Variants in DOCK1 observed in about 807,000 individuals in gnomAD.
The protein encoded by DOCK1 is dedicator of cytokinesis 1.
In DOCK1, 138 loss-of-function variants were observed where a neutral mutation model predicts 262.7. The observed-to-expected ratio is 0.53, with a 90% CI of 0.46 to 0.61. The LOEUF (loss-of-function observed/expected upper bound fraction) is 0.61, where lower values mean the gene tolerates loss of function less well. Among genes scored for constraint, DOCK1 ranks in the 20% least tolerant of loss-of-function variants. The pLI is 0.00. For synonymous variants in DOCK1, 866 were observed against 867.4 expected, an observed-to-expected ratio of 1.00 and a Z score of 0.03; for missense variants, 1,908 against 2,370.7, an observed-to-expected ratio of 0.80 and a Z score of 4.05.
At chr10:127,314,091 G>A (rs1448036496) in intron 29 of DOCK1, among the ~76,000 whole-genome samples, 5 of 152,156 alleles carry the variant, frequency 3.3e-5, no homozygotes, top group South Asian at 2.1e-4. Flanking sequence ...GCATCTGCAC[G>A]CACTTGTTTT....
chr10:127,410,766 C>T, intron 42 of DOCK1, 74 bp from the exon 43 acceptor site: 2 of 1,403,978 alleles, frequency 1.4e-6, no homozygotes, highest in Non-Finnish European at 2.0e-6. Context: ...TGTTCTAAGG[C>T]CAGACCCCGT....
chr10:127,214,191 G>A (rs1191712991), intron 27 of DOCK1, among the ~76,000 whole-genome samples: 1 of 152,022 alleles, frequency 6.6e-6, no homozygotes, highest in African/African-American at 2.4e-5. Context: ...TACAAGAGAA[G>A]AAATACATAT....
intron 29 of DOCK1, among the ~76,000 whole-genome samples, chr10:127,296,889 C>T (rs2061523172): frequency 1.3e-5 from 2 of 152,210 alleles, no homozygotes; most frequent in Admixed American, 1.3e-4. Context: ...GCCACGGCAG[C>T]TGTGAGCTGT....
chr10:127,184,782 G>T (rs2056074617), intron 27 of DOCK1, among the ~76,000 whole-genome samples: 1 of 152,070 alleles, frequency 6.6e-6, no homozygotes. Flanking sequence ...CCGCGCCCTG[G>T]TCCTCCTTCC....
chr10:126,966,155 C>G (rs891674790), intron 1 of DOCK1, among the ~76,000 whole-genome samples: 57 of 152,176 alleles, frequency 3.7e-4, no homozygotes, highest in Non-Finnish European at 7.5e-4. Flanking sequence ...CACTTAATGT[C>G]CTCCAATTCC....
At chr10:127,084,493 T>C (rs1216075217) in intron 23 of DOCK1, among the ~76,000 whole-genome samples, 1 of 152,124 alleles carries the variant, frequency 6.6e-6, no homozygotes, top group African/African-American at 2.4e-5. Flanking sequence ...CCAACACTGG[T>C]AATGCCCCAT....
rs1432540885 is a variant in DOCK1, at chr10:127,175,788, C to G, written c.2847+48024C>G. 6 of 1,614,020 alleles carry G rather than the reference C, an allele frequency of 3.7e-6. No individual in the cohort carries two copies. The highest frequency in any genetic ancestry group is 1.3e-5 in the African/African-American group (1 of 74,918). ...GTTTTGGAGCGCAGCTTCTCCATAG[C>G]TGAGCGGCTCCGGGCTTTTACAGGG... On this transcript the variant is annotated intron_variant, in intron 27 of 51. Transcript: ENST00000623213. The surrounding 1 kb of genome is among the most constrained non-coding windows in gnomAD (Gnocchi z 6.3).
chr10:127,402,777 G>C lies in DOCK1; in HGVS notation c.3928-278G>C, dbSNP rs1267361268. ...GCTGGCAGCAGGAGAGCAAAGACAG[G>C]AGCAGTGAGGACTGGCTGACAGACT... is the stretch of plus-strand genomic sequence containing the variant. On this transcript the variant is annotated intron_variant, in intron 38 of 51. Coordinates refer to ENST00000623213, the MANE Select transcript of DOCK1 (RefSeq NM_001290223.2). The C allele has an allele frequency of 1.7e-5, 10 of 582,642 alleles. No individual in the cohort carries two copies. The East Asian group carries it at 3.9e-4, about 22-fold the overall frequency. The allele number at this position is 582,642 out of a possible 1,614,324, so 36.1% of individuals were successfully genotyped here. A position where few individuals can be genotyped will look rare whatever the true frequency, so the allele number is the denominator to read the frequency against.
intron 1 of DOCK1, among the ~76,000 whole-genome samples, chr10:126,911,771 C>T (rs2031802595): frequency 6.6e-6 from 1 of 152,120 alleles, no homozygotes; most frequent in African/African-American, 2.4e-5. Flanking sequence ...TTGACAGGAA[C>T]TAATTAATGT....
At chr10:127,223,514 C>T (rs1373176890) in intron 27 of DOCK1, among the ~76,000 whole-genome samples, 1 of 152,046 alleles carries the variant, frequency 6.6e-6, no homozygotes, top group Non-Finnish European at 1.5e-5. Flanking sequence ...ACATGATGCT[C>T]AAAGGAAATG....
intron 51 of DOCK1, among the ~76,000 whole-genome samples, chr10:127,450,065 A>G (rs766103240): frequency 9.9e-5 from 15 of 152,182 alleles, no homozygotes; most frequent in Non-Finnish European, 1.8e-4. Flanking sequence ...AGACCTCAAA[A>G]TAGATGTCTC....
chr10:127,304,043 G>T (rs1322796178), intron 29 of DOCK1, among the ~76,000 whole-genome samples: 1 of 152,190 alleles, frequency 6.6e-6, no homozygotes, highest in Non-Finnish European at 1.5e-5. Context: ...TTAACAATTT[G>T]CTGGGATGAG....
intron 1 of DOCK1, among the ~76,000 whole-genome samples, chr10:126,944,652 G>T (rs1208364455): frequency 1.3e-5 from 2 of 152,110 alleles, no homozygotes; most frequent in African/African-American, 4.8e-5. Context: ...AAAGAAGGAA[G>T]AGTGTCATTG....
At chr10:127,442,727 T>A (rs923579526) in intron 49 of DOCK1, among the ~76,000 whole-genome samples, 5 of 152,204 alleles carry the variant, frequency 3.3e-5, no homozygotes, top group Non-Finnish European at 5.9e-5. Flanking sequence ...GACTTTCAGG[T>A]ACACGCCAAG....
intron 32 of DOCK1, among the ~76,000 whole-genome samples, chr10:127,357,831 C>A (rs1223829123): frequency 6.6e-6 from 1 of 152,084 alleles, no homozygotes; most frequent in Admixed American, 6.5e-5. Flanking sequence ...CCACAGGATC[C>A]TCCCCAAGCA....
intron 23 of DOCK1, among the ~76,000 whole-genome samples, chr10:127,079,778 A>G (rs1403085769): frequency 6.6e-6 from 1 of 152,100 alleles, no homozygotes; most frequent in Non-Finnish European, 1.5e-5. Flanking sequence ...TAAAAATACA[A>G]AAATTAGCTG....
At chr10:126,933,193 G>A (rs1262644743) in intron 1 of DOCK1, among the ~76,000 whole-genome samples, 1 of 152,118 alleles carries the variant, frequency 6.6e-6, no homozygotes, top group Non-Finnish European at 1.5e-5. Context: ...GTGCGTTGAG[G>A]TGAAAGTACA....
intron 21 of DOCK1, among the ~76,000 whole-genome samples, chr10:127,045,022 C>T (rs1361203357): frequency 6.6e-6 from 1 of 151,718 alleles, no homozygotes; most frequent in African/African-American, 2.4e-5. Flanking sequence ...CATGGAGAAA[C>T]CCCCATCTCT....
chr10:127,258,797 ACT>A (rs1407816412), intron 29 of DOCK1, among the ~76,000 whole-genome samples: 1 of 152,100 alleles, frequency 6.6e-6, no homozygotes, highest in Non-Finnish European at 1.5e-5. Context: ...TGCCGTTGAC[ACT>A]GTTTTTGCTT....
Sources: gnomAD v4.1 joint callset for allele counts (sites outside exome capture counted in the v4.1 genomes callset) on GRCh38, gnomAD v4.1.1 for gene constraint, Gnocchi (gnomAD v3.1) non-coding constraint, MANE v1.5 for transcripts, NCBI Gene and HGNC (gene_info 2026-07-23, HGNC 2026-07-21) for gene names.